Variants in DAB1 observed in about 807,000 individuals in gnomAD.
DAB1 encodes disabled homolog 1.
In DAB1, 15 loss-of-function variants were observed where a neutral mutation model predicts 64.6. The observed-to-expected ratio is 0.23, with a 90% CI of 0.16 to 0.36. The LOEUF (loss-of-function observed/expected upper bound fraction) is 0.36. DAB1 is among the 10% of genes least tolerant of loss of function. The pLI is 1.00. For synonymous variants in DAB1, 235 were observed against 251.9 expected (o/e 0.93, Z 0.64); for missense variants, 596 against 706.7 (o/e 0.84, Z 1.78).
At chr1:57,887,351 C>G (rs1262301709), upstream of DAB1, among the ~76,000 whole-genome samples, 1 of 107,688 alleles carries the variant, frequency 9.3e-6, no homozygotes, top group Non-Finnish European at 2.1e-5. Context: ...CTGAAATAAG[C>G]CAGGTACTCA....
intron 3 of DAB1, among the ~76,000 whole-genome samples, chr1:58,355,773 C>T (rs1295756100): frequency 1.3e-5 from 2 of 152,146 alleles, no homozygotes; most frequent in Non-Finnish European, 2.9e-5. Context: ...TCTTGACTAA[C>T]TTTAGCTGCC....
At chr1:57,535,574 T>C (rs1644717255) in intron 7 of DAB1, among the ~76,000 whole-genome samples, 1 of 151,186 alleles carries the variant, frequency 6.6e-6, no homozygotes. Flanking sequence ...GCAATTCTCC[T>C]GCCTCAGCCT....
At chr1:57,028,530 A>C (rs1275658276) in intron 9 of DAB1, among the ~76,000 whole-genome samples, 1 of 152,176 alleles carries the variant, frequency 6.6e-6, no homozygotes, top group East Asian at 1.9e-4. Context: ...AGAGGTTGAA[A>C]CAGTATGAAG....
intron 9 of DAB1, among the ~76,000 whole-genome samples, chr1:57,053,666 GTATA>G (rs71051215): frequency 1.2e-4 from 12 of 99,168 alleles, no homozygotes; most frequent in East Asian, 5.9e-4. Context: ...CTCTCTATAT[GTATA>G]TATATATATA....
intron 7 of DAB1, among the ~76,000 whole-genome samples, chr1:57,526,949 C>G (rs1018837773): frequency 2.6e-5 from 4 of 152,100 alleles, no homozygotes; most frequent in African/African-American, 9.7e-5. Context: ...ACTCTCAAGG[C>G]ATGGTCTTTA....
intron 6 of DAB1, among the ~76,000 whole-genome samples, chr1:57,772,056 G>C (rs778732628): frequency 1.3e-5 from 2 of 152,100 alleles, no homozygotes; most frequent in African/African-American, 2.4e-5. Context: ...TTAATCCCTA[G>C]TGCAACACTG....
intron 4 of DAB1, among the ~76,000 whole-genome samples, chr1:58,287,097 T>G (rs1381006352): frequency 1.3e-5 from 2 of 152,156 alleles, no homozygotes; most frequent in African/African-American, 4.8e-5. Flanking sequence ...ATGTTCTCAC[T>G]TGTAAGTGGG....
intron 6 of DAB1, among the ~76,000 whole-genome samples, chr1:57,803,275 T>C (rs1026310333): frequency 7.2e-5 from 11 of 152,188 alleles, no homozygotes; most frequent in African/African-American, 2.7e-4. Flanking sequence ...TGCCATAACC[T>C]AGAGTGGACT....
At chr1:58,033,861 T>C (rs938152290) in intron 5 of DAB1, among the ~76,000 whole-genome samples, 1 of 152,182 alleles carries the variant, frequency 6.6e-6, no homozygotes, top group South Asian at 2.1e-4. Flanking sequence ...CCAGTTACAC[T>C]AGGACACATA....
intron 2 of DAB1, among the ~76,000 whole-genome samples, chr1:57,179,422 G>A (rs1046077622): frequency 2.0e-5 from 3 of 152,198 alleles, no homozygotes; most frequent in African/African-American, 7.2e-5. Context: ...CTCAGGGAGG[G>A]ACAACAATAG....
chr1:56,996,057 T>G lies in DAB1; in HGVS notation c.*2087A>C, dbSNP rs1018218072. 1 of 152,116 alleles carries G rather than the reference T, an allele frequency of 6.6e-6. No individual in the cohort carries two copies. Among genetic ancestry groups the G allele is most frequent in the Non-Finnish European group, 1.5e-5 (1 of 68,008 alleles). The allele number at this position is 152,116 out of a possible 1,614,324, so 9.4% of individuals were successfully genotyped here. On this transcript the variant is annotated 3_prime_UTR_variant, in exon 15 of 15. Coordinates refer to ENST00000371236, the MANE Select transcript of DAB1 (RefSeq NM_001365792.1). ...TCAGTTTATCTAACTGAAAAAAAAA[T>G]TAGACTCCTGTGACCTGATAGTGTA...
intron 3 of DAB1, among the ~76,000 whole-genome samples, chr1:58,422,510 G>A (rs907552327): frequency 2.6e-5 from 4 of 151,760 alleles, no homozygotes; most frequent in South Asian, 2.1e-4. Context: ...CTGCTGTCTC[G>A]TCTACCATCC....
At chr1:57,912,472 A>C (rs897489925) in intron 5 of DAB1, among the ~76,000 whole-genome samples, 20 of 152,186 alleles carry the variant, frequency 1.3e-4, no homozygotes, top group African/African-American at 4.3e-4. Context: ...TATGACAAAC[A>C]CACAGCCAAT....
intron 3 of DAB1, among the ~76,000 whole-genome samples, chr1:58,488,256 T>C (rs2100365761): frequency 6.6e-6 from 1 of 152,358 alleles, no homozygotes; most frequent in East Asian, 1.9e-4. Flanking sequence ...GTTATCCATC[T>C]TTTAATTTTT....
At chr1:57,533,415 C>T (rs1402291463) in intron 7 of DAB1, among the ~76,000 whole-genome samples, 4 of 150,560 alleles carry the variant, frequency 2.7e-5, no homozygotes, top group African/African-American at 9.8e-5. Flanking sequence ...CTTTTTAATG[C>T]TTTCCCAAAA....
intron 5 of DAB1, among the ~76,000 whole-genome samples, chr1:57,923,246 A>T (rs1258428403): frequency 6.6e-6 from 1 of 152,154 alleles, no homozygotes; most frequent in Non-Finnish European, 1.5e-5. Context: ...GTGGGAAATG[A>T]TTTTGCTTGA....
At chr1:57,775,734 T>A (rs558946017) in intron 6 of DAB1, among the ~76,000 whole-genome samples, 2 of 151,726 alleles carry the variant, frequency 1.3e-5, no homozygotes, top group African/African-American at 4.8e-5. Flanking sequence ...ATCATACTGA[T>A]CAAAGCTTCT....
chr1:57,525,865 A>G (rs994848214), intron 7 of DAB1, among the ~76,000 whole-genome samples: 5 of 152,180 alleles, frequency 3.3e-5, no homozygotes, highest in African/African-American at 1.2e-4. Context: ...ATATTTCATT[A>G]AAAGCTATTT....
At position 57,734,171 on chromosome 1, in the gene DAB1, C is replaced by T. The variant is rs113115557; in HGVS notation, n.552-84506G>A. Among the ~76,000 whole-genome samples, 838 of 152,266 alleles carry T rather than the reference C, an allele frequency of 5.5e-3. 11 individuals carry two copies. The highest frequency in any genetic ancestry group is 0.019 in the African/African-American group (786 of 41,554). On this transcript the variant is annotated intron_variant and non_coding_transcript_variant, in intron 6 of 20. Coordinates refer to the DAB1 transcript ENST00000485760. ...TGTTCACAAACTTTGTGTAAAGTCT[C>T]GTCCTTGCCATTCATGGTGTGCCCT... is the stretch of plus-strand genomic sequence containing the variant.
Sources: gnomAD v4.1 joint callset for allele counts (sites outside exome capture counted in the v4.1 genomes callset) on GRCh38, gnomAD v4.1.1 for gene constraint, MANE v1.5 for transcripts, NCBI Gene and HGNC (gene_info 2026-07-23, HGNC 2026-07-21) for gene names.